Variants in PRKCB observed in about 807,000 individuals in gnomAD.
The protein encoded by PRKCB is protein kinase C beta type.
Under a neutral mutation model 81.5 loss-of-function variants are expected in PRKCB, and 13 were observed. The observed-to-expected ratio is 0.16, with a 90% CI of 0.10 to 0.25. The LOEUF is 0.25. Among genes scored for constraint, PRKCB ranks in the 10% least tolerant of loss-of-function variants. The pLI is 1.00. For missense variants in PRKCB, 509 were observed against 875.7 expected, an observed-to-expected ratio of 0.58 and a Z score of 5.29; for synonymous variants, 335 against 321.4, an observed-to-expected ratio of 1.04 and a Z score of -0.45.
Position 24,113,031 on chromosome 16 carries a change from G to A in PRKCB, c.880G>A (p.Gly294Arg), listed in dbSNP as rs1451619049. ...EYFNVPVPPEGSEANEELRQK... is the reference protein window; with the variant it reads ...EYFNVPVPPERSEANEELRQK... Reference sequence around the variant, plus strand: ...CTTCAATGTGCCTGTGCCACCAGAAGGAAGTGAGGCCAATGAAGAACTGCG... The same window carrying A: ...CTTCAATGTGCCTGTGCCACCAGAAAGAAGTGAGGCCAATGAAGAACTGCG... Residue 294 changes from glycine to arginine, a missense_variant, in exon 8 of 17, where the codon GGA becomes AGA. Gly to Arg is a moderately radical substitution (Grantham distance 125). This residue lies in a region of PRKCB where 80 missense variants were observed against 89.4 expected (regional missense o/e 0.90). Transcript: ENST00000643927. 1.2e-6 allele frequency: 2 copies of A among 1,613,142 alleles called. No homozygotes were observed. Among genetic ancestry groups the A allele is most frequent in the Admixed American group, 1.7e-5 (1 of 59,940 alleles).
At chr16:24,173,444 A>C (rs892865951) in intron 11 of PRKCB, among the ~76,000 whole-genome samples, 13 of 152,064 alleles carry the variant, frequency 8.5e-5, no homozygotes, top group African/African-American at 3.1e-4. Context: ...GCTCCTACCC[A>C]GTTCAGCTTG....
rs1408268393 is a variant in PRKCB at position 24,023,425 on chromosome 16, G to A, written c.289-8711G>A. Among the ~76,000 whole-genome samples the A allele has an allele frequency of 2.0e-5, 3 of 152,336 alleles. No homozygotes were observed. In the East Asian group the frequency reaches 5.8e-4, roughly 29 times the overall value. The stretch of plus-strand genomic sequence containing the variant: ...GCTCTGTCACCCAGGCTGGAGTGCA[G>A]TGGCGGGATCTCGGCTCACTGCAAG... On this transcript the variant is annotated intron_variant, in intron 3 of 16. Transcript: ENST00000643927.
chr16:23,998,726 G>T (rs1264530410), intron 3 of PRKCB, among the ~76,000 whole-genome samples: 1 of 152,212 alleles, frequency 6.6e-6, no homozygotes, highest in Non-Finnish European at 1.5e-5. Context: ...TGATGATGAT[G>T]ACAATGACAA....
intron 2 of PRKCB, among the ~76,000 whole-genome samples, chr16:23,847,417 A>C (rs62030645): frequency 1.4e-5 from 2 of 146,980 alleles, no homozygotes; most frequent in Non-Finnish European, 3.0e-5. Flanking sequence ...CCTATCCACC[A>C]ATACATCCAT....
In PRKCB at chr16:24,094,174, A is replaced by C. The variant is rs1403164399; in HGVS notation, c.698A>C (p.Glu233Ala). Reference protein sequence around the residue: ...WNETFRFQLKESDKDRRLSVE... With the variant: ...WNETFRFQLKASDKDRRLSVE... ...TTTTCTCTATGCAGTCAGCTGAAAG[A>C]ATCGGACAAAGACAGAAGACTGTCA... Residue 233 changes from glutamate (E) to alanine (A), a missense_variant, in exon 7 of 17, where the codon GAA becomes GCA. Glu to Ala is a moderately radical substitution (Grantham distance 107). Transcript: ENST00000643927. 6.2e-7 allele frequency: 1 copy of C among 1,613,960 alleles called. No individual in the cohort carries two copies. Among genetic ancestry groups the C allele is most frequent in the East Asian group, 2.2e-5 (1 of 44,880 alleles).
intron 2 of PRKCB, among the ~76,000 whole-genome samples, chr16:23,980,280 G>A (rs1964678288): frequency 6.6e-6 from 1 of 152,226 alleles, no homozygotes; most frequent in Non-Finnish European, 1.5e-5. Context: ...AAACAGTTCG[G>A]GAAATTGCCT....
intron 16 of PRKCB, among the ~76,000 whole-genome samples, chr16:24,209,094 C>T (rs887756189): frequency 6.6e-6 from 1 of 152,166 alleles, no homozygotes; most frequent in African/African-American, 2.4e-5. Flanking sequence ...GGCGAAGAAA[C>T]AGCCTTCTGG....
At chr16:24,065,125 C>A (rs1200489098) in intron 5 of PRKCB, among the ~76,000 whole-genome samples, 1 of 149,714 alleles carries the variant, frequency 6.7e-6, no homozygotes, top group African/African-American at 2.4e-5. Context: ...TAGAGTGTGT[C>A]TTTTATAAGC....
chr16:24,040,155 G>A (rs1270977357), intron 5 of PRKCB, among the ~76,000 whole-genome samples: 1 of 152,122 alleles, frequency 6.6e-6, no homozygotes, highest in East Asian at 1.9e-4. Context: ...TCTGTTCTTA[G>A]TGTTTTGGCA....
At chr16:23,882,017 TCTTTCTTCCTTCCTTCCTTC>T (rs1409501804) in intron 2 of PRKCB, among the ~76,000 whole-genome samples, 3 of 15,650 alleles carry the variant, frequency 1.9e-4, no homozygotes, top group African/African-American at 3.4e-4. Context: ...TTTCTTTCTT[TCTTTCTTCCTTCCTTCCTTC>T]CTTCCTTCCT....
chr16:24,205,145 CTTTTTTTTTTTTT>C (rs71154289), intron 16 of PRKCB, among the ~76,000 whole-genome samples: 2 of 115,678 alleles, frequency 1.7e-5, no homozygotes, highest in South Asian at 6.1e-4. Context: ...ATTATAATTC[CTTTTTTTTTTTTT>C]TTTTTTTTTA....
At chr16:23,981,863 C>T (rs1244583904) in intron 2 of PRKCB, among the ~76,000 whole-genome samples, 122 of 2,894 alleles carry the variant, frequency 0.042, 17 homozygotes, top group Middle Eastern at 1. Context: ...CCCTTCCCCT[C>T]CCCTTCCCCT....
intron 2 of PRKCB, among the ~76,000 whole-genome samples, chr16:23,885,882 T>C (rs556652057): frequency 2.6e-5 from 4 of 152,366 alleles, no homozygotes; most frequent in Non-Finnish European, 5.9e-5. Context: ...TAAGGTGGCC[T>C]TGGCCTTAGT....
intron 16 of PRKCB, among the ~76,000 whole-genome samples, chr16:24,192,463 G>T (rs1967808812): frequency 1.3e-5 from 2 of 152,162 alleles, no homozygotes; most frequent in Admixed American, 6.5e-5. Flanking sequence ...AAGATGAAAA[G>T]GTAACCTGGA....
At position 23,988,814 on chromosome 16, in the gene PRKCB, A is replaced by G. The variant is rs548035171; in HGVS notation, c.288+224A>G. ...CTAGTTTGTCTACTATGATTTTGCTAATGTCTTCACTTTGAGAGCTGGAGC... is the reference window on the plus strand; with the variant it reads ...CTAGTTTGTCTACTATGATTTTGCTGATGTCTTCACTTTGAGAGCTGGAGC... On this transcript the variant is annotated intron_variant, in intron 3 of 16. Coordinates refer to ENST00000643927, the MANE Select transcript of PRKCB (RefSeq NM_002738.7). 3.9e-5 allele frequency among the ~76,000 whole-genome samples: 6 copies of G among 152,170 alleles called. No homozygotes were observed. In the South Asian group the frequency reaches 1.2e-3, roughly 32 times the overall value.
intron 5 of PRKCB, among the ~76,000 whole-genome samples, chr16:24,071,543 T>C (rs1252651418): frequency 6.6e-6 from 1 of 151,508 alleles, no homozygotes; most frequent in Admixed American, 6.6e-5. Flanking sequence ...GGATCCAGAA[T>C]TGAGAATGCT....
At chr16:24,033,758 A>AAAGAAG (rs944374107) in intron 4 of PRKCB, among the ~76,000 whole-genome samples, 3 of 152,056 alleles carry the variant, frequency 2.0e-5, no homozygotes, top group Admixed American at 2.0e-4. Context: ...TGAGACTCTC[A>AAAGAAG]AAGAAGAAGA....
At chr16:24,128,178 C>A (rs775069032) in intron 9 of PRKCB, among the ~76,000 whole-genome samples, 6 of 152,062 alleles carry the variant, frequency 3.9e-5, no homozygotes, top group Non-Finnish European at 8.8e-5. Flanking sequence ...AGTTCGAGGC[C>A]AGCCTGGCCA....
At chr16:24,202,684 A>T (rs1216418026) in intron 16 of PRKCB, among the ~76,000 whole-genome samples, 1 of 152,176 alleles carries the variant, frequency 6.6e-6, no homozygotes, top group African/African-American at 2.4e-5. Context: ...ACACACAAGG[A>T]TGTTAGCATG....
Sources: allele counts gnomAD v4.1 joint callset (sites outside exome capture counted in the v4.1 genomes callset), GRCh38; gene constraint gnomAD v4.1.1; regional missense constraint gnomAD v4.1.1; transcripts MANE v1.5; gene names NCBI Gene and HGNC (gene_info 2026-07-23, HGNC 2026-07-21).